Variants in AJAP1 observed in about 807,000 individuals in gnomAD.
AJAP1 encodes adherens junction-associated protein 1.
A neutral mutation model predicts 35.0 loss-of-function variants in AJAP1; 5 were observed. The observed-to-expected ratio is 0.14, with a 90% CI of 0.07 to 0.30. The LOEUF (loss-of-function observed/expected upper bound fraction) is 0.30, where lower values mean the gene tolerates loss of function less well. Among genes scored for constraint, AJAP1 ranks in the 10% least tolerant of loss-of-function variants. AJAP1 has a pLI of 1.00. For missense variants in AJAP1, 586 were observed against 571.0 expected, an observed-to-expected ratio of 1.03 and a Z score of -0.27; for synonymous variants, 284 against 249.3, an observed-to-expected ratio of 1.14 and a Z score of -1.31.
At chr1:4,700,012 T>G (rs758407218) in intron 1 of AJAP1, among the ~76,000 whole-genome samples, 10 of 152,308 alleles carry the variant, frequency 6.6e-5, no homozygotes, top group Non-Finnish European at 1.3e-4. Context: ...TAAATATGCA[T>G]CTGTGTGATG....
At chr1:4,681,622 T>A (rs994555338) in intron 1 of AJAP1, among the ~76,000 whole-genome samples, 2 of 152,238 alleles carry the variant, frequency 1.3e-5, no homozygotes, top group African/African-American at 4.8e-5. Flanking sequence ...AGGCCATGCC[T>A]GGAGGCAGAA....
At chr1:4,698,876 C>G (rs1043767259) in intron 1 of AJAP1, among the ~76,000 whole-genome samples, 3 of 152,208 alleles carry the variant, frequency 2.0e-5, no homozygotes, top group Non-Finnish European at 4.4e-5. Flanking sequence ...AAGCCCTTGG[C>G]TGCAGCTTGT....
intron 1 of AJAP1, among the ~76,000 whole-genome samples, chr1:4,681,689 C>T (rs1038448163): frequency 6.6e-6 from 1 of 152,330 alleles, no homozygotes; most frequent in South Asian, 2.1e-4. Flanking sequence ...CTGGACAAAG[C>T]AAGGTCTCTC....
intron 2 of AJAP1, among the ~76,000 whole-genome samples, 157 bp from the exon 3 acceptor site, chr1:4,769,696 G>A (rs892632326): frequency 6.6e-6 from 1 of 152,162 alleles, no homozygotes; most frequent in Non-Finnish European, 1.5e-5. Flanking sequence ...GAGGAGGAGA[G>A]AACTGAGCAC....
intron 1 of AJAP1, among the ~76,000 whole-genome samples, chr1:4,663,781 T>A (rs1159621070): frequency 6.6e-6 from 1 of 152,112 alleles, no homozygotes; most frequent in Non-Finnish European, 1.5e-5. Flanking sequence ...TCGAGCTCTG[T>A]GTAGAGAAGG....
intron 2 of AJAP1, among the ~76,000 whole-genome samples, chr1:4,761,335 G>A (rs1158440085): frequency 6.6e-6 from 1 of 152,186 alleles, no homozygotes; most frequent in Non-Finnish European, 1.5e-5. Flanking sequence ...TGTCCCCTGG[G>A]CTCTCTCTGA....
In AJAP1 at chr1:4,671,018, G is replaced by T. The variant is rs531239756; in HGVS notation, c.29+15564G>T. Among the ~76,000 whole-genome samples the T allele has an allele frequency of 4.6e-5, 7 of 152,322 alleles. No individual in the cohort carries two copies. The South Asian group carries it at 1.2e-3, about 27-fold the overall frequency. ...GTCATTTAAGCTGTTATCCTGTGTT[G>T]TCTCATCATTTCTCCACATAGGTGA... On this transcript the variant is annotated intron_variant, in intron 1 of 5. Coordinates refer to ENST00000378191, the MANE Select transcript of AJAP1 (RefSeq NM_018836.4).
intron 1 of AJAP1, among the ~76,000 whole-genome samples, chr1:4,709,736 C>T (rs1640183828): frequency 6.6e-6 from 1 of 152,194 alleles, no homozygotes; most frequent in Non-Finnish European, 1.5e-5. Flanking sequence ...GCTGCTAGTG[C>T]AGAGAAATTG....
At chr1:4,737,888 C>T (rs935601276) in intron 2 of AJAP1, among the ~76,000 whole-genome samples, 8 of 152,130 alleles carry the variant, frequency 5.3e-5, no homozygotes, top group South Asian at 2.1e-4. Flanking sequence ...GGCGACAGAG[C>T]GAGACCCTCT....
Position 4,711,923 on chromosome 1 carries a change from G to T in AJAP1, c.53G>T (p.Gly18Val), listed in dbSNP as rs538795214. 4 of 1,518,984 alleles carry T rather than the reference G, an allele frequency of 2.6e-6. No individual in the cohort carries two copies. The highest frequency in any genetic ancestry group is 3.5e-6 in the Non-Finnish European group (4 of 1,138,558). The allele number at this position is 1,518,984 out of a possible 1,614,324, so 94.1% of individuals were successfully genotyped here. Residue 18 changes from glycine to valine, a missense_variant, in exon 2 of 6, where the codon GGC becomes GTC. By Grantham distance (109) the Gly-to-Val change is moderately radical. Transcript: ENST00000378191. The part of the protein sequence containing the change: ...GLSSMSIRWP[G>V]RPLGSHAWIL... The stretch of plus-strand genomic sequence containing the variant: ...AGCTCCATGTCCATCCGCTGGCCGG[G>T]CCGCCCCCTCGGAAGCCATGCCTGG...
chr1:4,774,509 G>A lies in AJAP1; in HGVS notation c.*10G>A. On this transcript the variant is annotated 3_prime_UTR_variant, in exon 5 of 6. Transcript: ENST00000378191. Reference sequence around the variant, plus strand: ...TGAAATCTCCTGCTGACTGGCCGAAGTCTTTTTTACCTCCTGGGGGCAGGG... The same window carrying A: ...TGAAATCTCCTGCTGACTGGCCGAAATCTTTTTTACCTCCTGGGGGCAGGG... 6.2e-7 allele frequency: 1 copy of A among 1,613,648 alleles called. No homozygotes were observed. Among genetic ancestry groups the A allele is most frequent in the Admixed American group, 1.7e-5 (1 of 60,032 alleles).
At chr1:4,740,712 G>C (rs1247628233) in intron 2 of AJAP1, among the ~76,000 whole-genome samples, 1 of 149,530 alleles carries the variant, frequency 6.7e-6, no homozygotes, top group African/African-American at 2.5e-5. Flanking sequence ...CGGGAACCCG[G>C]GAGGAGGAGC....
At chr1:4,760,270 T>C (rs752388215) in intron 2 of AJAP1, among the ~76,000 whole-genome samples, 3 of 151,798 alleles carry the variant, frequency 2.0e-5, no homozygotes, top group Non-Finnish European at 4.4e-5. Flanking sequence ...TGTGTCCGTG[T>C]ATGTGTGAGT....
intron 1 of AJAP1, among the ~76,000 whole-genome samples, chr1:4,706,295 T>A (rs138593954): frequency 2.0e-5 from 3 of 152,340 alleles, no homozygotes; most frequent in African/African-American, 7.2e-5. Context: ...CTGTGAACTA[T>A]TGATCGTAGA....
chr1:4,699,240 C>T (rs1411993379), intron 1 of AJAP1, among the ~76,000 whole-genome samples: 1 of 152,178 alleles, frequency 6.6e-6, no homozygotes, highest in African/African-American at 2.4e-5. Flanking sequence ...TCTCCTGGCC[C>T]CACGCTGCAC....
intron 5 of AJAP1, among the ~76,000 whole-genome samples, chr1:4,775,896 T>A (rs1481165961): frequency 6.6e-6 from 1 of 152,218 alleles, no homozygotes; most frequent in African/African-American, 2.4e-5. Context: ...AGGGAGCCCC[T>A]ACTGGAGTGC....
At chr1:4,710,123 CAG>C (rs1640194730) in intron 1 of AJAP1, among the ~76,000 whole-genome samples, 1 of 151,880 alleles carries the variant, frequency 6.6e-6, no homozygotes, top group Non-Finnish European at 1.5e-5. Context: ...CAGGGACACA[CAG>C]ATACAGTTGC....
chr1:4,725,862 G>A (rs1370529252), intron 2 of AJAP1, among the ~76,000 whole-genome samples: 2 of 152,182 alleles, frequency 1.3e-5, no homozygotes, highest in Non-Finnish European at 2.9e-5. Context: ...AAGGACACCA[G>A]TCAGCATGGA....
At chr1:4,751,622 C>G (rs1641322392) in intron 2 of AJAP1, among the ~76,000 whole-genome samples, 1 of 152,242 alleles carries the variant, frequency 6.6e-6, no homozygotes, top group Admixed American at 6.5e-5. Context: ...ATCCTCCTGG[C>G]TGCGCACATT....
Sources: allele counts gnomAD v4.1 joint callset (sites outside exome capture counted in the v4.1 genomes callset), GRCh38; gene constraint gnomAD v4.1.1; transcripts MANE v1.5; gene names NCBI Gene and HGNC (gene_info 2026-07-23, HGNC 2026-07-21).